MYO5B: variants seen among roughly 807,000 people sequenced by gnomAD.
MYO5B encodes myosin VB, also known as unconventional myosin-Vb.
Under a neutral mutation model 229.3 loss-of-function variants are expected in MYO5B, and 143 were observed. The ratio of observed to expected loss-of-function variants is 0.62; its 90% CI spans 0.54 to 0.72. MYO5B has a LOEUF of 0.72. MYO5B is among the 30% of genes least tolerant of loss of function. The probability of loss-of-function intolerance (pLI) is 0.00; values close to 1 mark genes in which losing one functional copy is unlikely to be tolerated. For missense variants in MYO5B, 2,321 were observed against 2,331.0 expected, an observed-to-expected ratio of 1.00 and a Z score of 0.09; for synonymous variants, 918 against 885.2, an observed-to-expected ratio of 1.04 and a Z score of -0.66.
intron 1 of MYO5B, among the ~76,000 whole-genome samples, chr18:50,187,255 G>A (rs995725709): frequency 3.3e-5 from 5 of 152,146 alleles, no homozygotes; most frequent in Non-Finnish European, 7.4e-5. Flanking sequence ...AAGTAGTAAT[G>A]AGTACACCTA....
intron 1 of MYO5B, among the ~76,000 whole-genome samples, chr18:50,144,228 G>A (rs1294486039): frequency 6.6e-6 from 1 of 152,144 alleles, no homozygotes; most frequent in East Asian, 1.9e-4. Flanking sequence ...GCTTGACACA[G>A]CATCAGTAAC....
chr18:49,974,355 G>C lies in MYO5B; in HGVS notation c.1317C>G (p.Ile439Met). ...KQHSFIGVLD[I>M]YGFETFEVNS... The stretch of plus-strand genomic sequence containing the variant: ...GAGACAGGCGGCAGGCCTACCCATA[G>C]ATGTCCAGGACCCCGATGAAGGAGT... Residue 439 changes from isoleucine to methionine, a missense_variant, in exon 10 of 40, where the codon ATC becomes ATG. Ile to Met is a conservative substitution (Grantham distance 10). Transcript: ENST00000285039. 6.2e-7 allele frequency: 1 copy of C among 1,614,226 alleles called. No homozygotes were observed. Among genetic ancestry groups the C allele is most frequent in the South Asian group, 1.1e-5 (1 of 91,084 alleles).
At position 49,880,406 on chromosome 18, in the gene MYO5B, T is replaced by C; in HGVS notation, c.3095A>G (p.Glu1032Gly). 6.2e-7 allele frequency: 1 copy of C among 1,614,184 alleles called. No homozygotes were observed. The highest frequency in any genetic ancestry group is 1.6e-4 in the Middle Eastern group (1 of 6,062). ...GCACAGGATTTGGTTGTTGAGCTGT[T>C]CTTTCTCATCTTTCAAGAGAGCATT... The part of the protein sequence containing the change: ...QENALLKDEK[E>G]QLNNQILCQS... The change falls in exon 23 of 40, where the codon GAA becomes GGA. Residue 1032 changes from glutamate to glycine, a missense_variant. Coordinates refer to ENST00000285039, the MANE Select transcript of MYO5B (RefSeq NM_001080467.3).
chr18:50,122,870 T>A (rs973826803), intron 1 of MYO5B, among the ~76,000 whole-genome samples: 2 of 152,096 alleles, frequency 1.3e-5, no homozygotes, highest in Non-Finnish European at 2.9e-5. Flanking sequence ...ACTGCTGATG[T>A]GAATGTAAAA....
In MYO5B at chr18:50,080,106, G is replaced by T. The variant is rs553513508; in HGVS notation, c.28-24728C>A. On this transcript the variant is annotated intron_variant, in intron 1 of 39. Coordinates refer to ENST00000285039, the MANE Select transcript of MYO5B (RefSeq NM_001080467.3). ...CAACCAACACCACTGTCCATGTCCAGAATTTTCATCATCCCAAACAAGCTC... is the reference window on the plus strand; with the variant it reads ...CAACCAACACCACTGTCCATGTCCATAATTTTCATCATCCCAAACAAGCTC... Among the ~76,000 whole-genome samples the T allele has an allele frequency of 5.1e-4, 78 of 152,232 alleles. 1 individual carries two copies. Among genetic ancestry groups the T allele is most frequent in the African/African-American group, 1.8e-3 (76 of 41,524 alleles).
chr18:49,929,784 A>C (rs751061182), intron 16 of MYO5B, among the ~76,000 whole-genome samples, 186 bp from the exon 17 acceptor site: 2 of 152,174 alleles, frequency 1.3e-5, no homozygotes, highest in African/African-American at 4.8e-5. Flanking sequence ...ACCAATGTGC[A>C]GGCACCTGAG....
chr18:49,980,581 C>T, intron 8 of MYO5B, 28 bp from the exon 9 acceptor site: 1 of 1,457,722 alleles, frequency 6.9e-7, no homozygotes, highest in East Asian at 2.3e-5. Flanking sequence ...ATGGATGACA[C>T]TCAGTATCCA....
chr18:49,883,665 A>G (rs1249988499), intron 22 of MYO5B, among the ~76,000 whole-genome samples: 1 of 151,364 alleles, frequency 6.6e-6, no homozygotes, highest in Non-Finnish European at 1.5e-5. Context: ...GATCCAGAAT[A>G]CCCAAACGAT....
intron 1 of MYO5B, among the ~76,000 whole-genome samples, chr18:50,125,073 T>C (rs1224833267): frequency 6.6e-6 from 1 of 152,122 alleles, no homozygotes; most frequent in African/African-American, 2.4e-5. Flanking sequence ...CCCTGCTGAC[T>C]GCAAGGCCTG....
At chr18:50,060,249 C>T (rs1377401583) in intron 1 of MYO5B, among the ~76,000 whole-genome samples, 1 of 152,164 alleles carries the variant, frequency 6.6e-6, no homozygotes, top group Non-Finnish European at 1.5e-5. Context: ...CATGCTCTCT[C>T]CTGGCATCGG....
At chr18:50,130,226 T>G (rs2032232816) in intron 1 of MYO5B, among the ~76,000 whole-genome samples, 1 of 152,186 alleles carries the variant, frequency 6.6e-6, no homozygotes, top group Admixed American at 6.5e-5. Context: ...ATCAGCCATA[T>G]TTTTTTAAGC....
chr18:50,014,568 C>T (rs1354521994), intron 4 of MYO5B, among the ~76,000 whole-genome samples: 1 of 152,198 alleles, frequency 6.6e-6, no homozygotes, highest in African/African-American at 2.4e-5. Context: ...AATGCGGCAC[C>T]TACCGCCCTA....
chr18:49,993,296 A>C (rs1278546558), intron 5 of MYO5B, among the ~76,000 whole-genome samples: 2 of 151,938 alleles, frequency 1.3e-5, no homozygotes, highest in African/African-American at 4.8e-5. Context: ...AAGAAAAGCC[A>C]AAATCCCAAC....
intron 10 of MYO5B, among the ~76,000 whole-genome samples, chr18:49,965,874 A>C (rs2025619196): frequency 6.6e-6 from 1 of 152,230 alleles, no homozygotes; most frequent in African/African-American, 2.4e-5. Context: ...GGAAAGGGCC[A>C]GTAATACCAA....
At chr18:49,848,584 C>A (rs199994682) in intron 32 of MYO5B, among the ~76,000 whole-genome samples, 1 of 109,206 alleles carries the variant, frequency 9.2e-6, no homozygotes, top group African/African-American at 3.3e-5. Context: ...AGGCAAAGGC[C>A]AGACAGTGCT....
chr18:49,990,590 C>G, intron 6 of MYO5B, 70 bp from the exon 7 acceptor site: 1 of 1,332,018 alleles, frequency 7.5e-7, no homozygotes, highest in Non-Finnish European at 1.1e-6. Context: ...CCACTGTAAT[C>G]CCAGGGTGCT....
chr18:49,929,746 G>A, intron 16 of MYO5B, 148 bp from the exon 17 acceptor site: 2 of 743,792 alleles, frequency 2.7e-6, no homozygotes, highest in South Asian at 3.1e-5. Flanking sequence ...TTGAGCTCAA[G>A]TCAGGGATTA....
intron 39 of MYO5B, among the ~76,000 whole-genome samples, chr18:49,827,319 G>A (rs1281859001): frequency 6.6e-6 from 1 of 152,240 alleles, no homozygotes; most frequent in Non-Finnish European, 1.5e-5. Context: ...GGAGTAGCTA[G>A]CTGGCCAGGG....
intron 10 of MYO5B, among the ~76,000 whole-genome samples, chr18:49,963,412 A>C (rs2025584753): frequency 1.3e-5 from 2 of 149,730 alleles, no homozygotes; most frequent in East Asian, 3.9e-4. Flanking sequence ...TAATTAATTA[A>C]TTAATTTATT....
Sources: gnomAD v4.1 joint callset for allele counts (sites outside exome capture counted in the v4.1 genomes callset) on GRCh38, gnomAD v4.1.1 for gene constraint, MANE v1.5 for transcripts, NCBI Gene and HGNC (gene_info 2026-07-23, HGNC 2026-07-21) for gene names.